The following TAFA2 variants were observed in gnomAD, a reference collection of about 807,000 sequenced individuals.
The protein encoded by TAFA2 is chemokine-like protein TAFA-2.
TAFA2 carries 7 observed loss-of-function variants against 18.8 expected under a neutral mutation model. The ratio of observed to expected loss-of-function variants is 0.37; its 90% CI spans 0.21 to 0.70. The LOEUF is 0.70. TAFA2 is among the 30% of genes least tolerant of loss of function. The probability of loss-of-function intolerance (pLI) is 0.53; values close to 1 mark genes in which losing one functional copy is unlikely to be tolerated. For missense variants in TAFA2, 122 were observed against 158.1 expected (o/e 0.77, Z 1.23); for synonymous variants, 60 against 54.2 (o/e 1.11, Z -0.47).
At chr12:62,216,613 G>C (rs1053338054) in intron 1 of TAFA2, among the ~76,000 whole-genome samples, 2 of 152,296 alleles carry the variant, frequency 1.3e-5, no homozygotes, top group South Asian at 4.1e-4. Context: ...TTCTTTGCTA[G>C]AGCAGATTAC....
At chr12:61,722,085 AAAT>A (rs1214840029) in intron 4 of TAFA2, among the ~76,000 whole-genome samples, 1 of 152,344 alleles carries the variant, frequency 6.6e-6, no homozygotes, top group Non-Finnish European at 1.5e-5. Flanking sequence ...TAACAATAAT[AAAT>A]AATAAATCGT....
intron 2 of TAFA2, among the ~76,000 whole-genome samples, chr12:61,836,756 T>TATAC (rs68158949): frequency 1.1e-3 from 137 of 119,320 alleles, no homozygotes; most frequent in Middle Eastern, 5.4e-3. Flanking sequence ...TATATATATA[T>TATAC]ACACACACAC....
chr12:61,990,001 AC>A (rs1879947385), intron 1 of TAFA2, among the ~76,000 whole-genome samples: 1 of 152,124 alleles, frequency 6.6e-6, no homozygotes, highest in Non-Finnish European at 1.5e-5. Context: ...TTGAATATTG[AC>A]CCAAAGAAAT....
At chr12:62,137,257 T>C (rs909972173) in intron 1 of TAFA2, among the ~76,000 whole-genome samples, 3 of 152,156 alleles carry the variant, frequency 2.0e-5, no homozygotes, top group Non-Finnish European at 4.4e-5. Flanking sequence ...AATGATCATA[T>C]ATAAGCTAAT....
chr12:61,725,545 T>A (rs1487855653), intron 4 of TAFA2, among the ~76,000 whole-genome samples: 3 of 150,400 alleles, frequency 2.0e-5, no homozygotes, highest in Non-Finnish European at 4.4e-5. Flanking sequence ...TAGGGTGTCC[T>A]TTCCCCACTT....
intron 1 of TAFA2, among the ~76,000 whole-genome samples, chr12:62,014,440 G>A (rs987622934): frequency 6.6e-6 from 1 of 152,046 alleles, no homozygotes; most frequent in Non-Finnish European, 1.5e-5. Flanking sequence ...ACCAGCCTGG[G>A]CAACATGGTT....
At chr12:61,803,277 G>C (rs566316481) in intron 2 of TAFA2, among the ~76,000 whole-genome samples, 305 of 151,880 alleles carry the variant, frequency 2.0e-3, no homozygotes, top group Non-Finnish European at 3.4e-3. Context: ...CTCTGACTAG[G>C]GAAAAGCTGC....
chr12:61,798,219 C>T (rs1871267137), intron 2 of TAFA2, among the ~76,000 whole-genome samples: 1 of 152,130 alleles, frequency 6.6e-6, no homozygotes, highest in Non-Finnish European at 1.5e-5. Context: ...TCATGATCAG[C>T]TAATGCATCA....
intron 1 of TAFA2, among the ~76,000 whole-genome samples, chr12:61,956,390 C>T (rs1252044516): frequency 6.6e-6 from 1 of 151,686 alleles, no homozygotes; most frequent in Non-Finnish European, 1.5e-5. Context: ...TTCTCAAAAT[C>T]AAAAAATAGG....
In TAFA2 at chr12:61,797,243, G is replaced by A. The variant is rs144505537; in HGVS notation, c.107-42219C>T. ...AATAGTTTACCACAGTAACAATGCTGAGCATGCCCTACCTCACAGTGCCAA... is the reference window on the plus strand; with the variant it reads ...AATAGTTTACCACAGTAACAATGCTAAGCATGCCCTACCTCACAGTGCCAA... On this transcript the variant is annotated intron_variant, in intron 2 of 4. Coordinates refer to ENST00000416284, the MANE Select transcript of TAFA2 (RefSeq NM_178539.5). Among the ~76,000 whole-genome samples the A allele has an allele frequency of 5.8e-3, 890 of 152,194 alleles. 9 individuals carry two copies. Among genetic ancestry groups the A allele is most frequent in the African/African-American group, 0.02 (830 of 41,534 alleles).
intron 4 of TAFA2, among the ~76,000 whole-genome samples, chr12:61,731,222 C>T (rs1367635919): frequency 1.3e-5 from 2 of 152,142 alleles, no homozygotes; most frequent in Admixed American, 6.6e-5. Flanking sequence ...CCCCAGTGAA[C>T]AAGATGGACT....
At chr12:61,770,131 G>A (rs773511035) in intron 2 of TAFA2, among the ~76,000 whole-genome samples, 66 of 152,056 alleles carry the variant, frequency 4.3e-4, no homozygotes, top group Non-Finnish European at 7.5e-4. Context: ...TGAAGAAGTA[G>A]AAGAAAGAAT....
intron 1 of TAFA2, among the ~76,000 whole-genome samples, chr12:61,956,650 G>T (rs1201441087): frequency 7.3e-6 from 1 of 136,684 alleles, no homozygotes; most frequent in South Asian, 2.3e-4. Context: ...AAAAAAAACA[G>T]GTGTGACAAT....
intron 2 of TAFA2, among the ~76,000 whole-genome samples, chr12:61,767,368 G>A (rs1481684734): frequency 6.6e-6 from 1 of 152,072 alleles, no homozygotes; most frequent in East Asian, 1.9e-4. Context: ...GATGAAGAGA[G>A]GCATTAAGTC....
chr12:61,726,675 G>A (rs529749627), intron 4 of TAFA2, among the ~76,000 whole-genome samples: 2 of 152,164 alleles, frequency 1.3e-5, no homozygotes. Flanking sequence ...CATATCACCA[G>A]TGAACAGTGA....
intron 1 of TAFA2, among the ~76,000 whole-genome samples, chr12:62,234,135 A>G (rs1388978142): frequency 6.6e-6 from 1 of 152,128 alleles, no homozygotes; most frequent in Non-Finnish European, 1.5e-5. Context: ...ATGTCCAAGA[A>G]ATGGGAGGTG....
At chr12:61,757,162 T>C (rs980362725) in intron 2 of TAFA2, among the ~76,000 whole-genome samples, 1 of 152,062 alleles carries the variant, frequency 6.6e-6, no homozygotes, top group Admixed American at 6.6e-5. Context: ...AGACCAGTTA[T>C]GAAGAGGTGT....
chr12:61,712,143 T>A (rs1869440398), intron 4 of TAFA2, among the ~76,000 whole-genome samples: 1 of 152,054 alleles, frequency 6.6e-6, no homozygotes, highest in South Asian at 2.1e-4. Flanking sequence ...CTGCTGTTGC[T>A]CAGTGTAGCC....
intron 1 of TAFA2, among the ~76,000 whole-genome samples, chr12:61,988,326 A>G (rs970383545): frequency 2.0e-5 from 3 of 152,170 alleles, no homozygotes; most frequent in African/African-American, 7.2e-5. Context: ...ATGCCCCAAG[A>G]TTTGGAATCT....
Sources: gnomAD v4.1 joint callset for allele counts (sites outside exome capture counted in the v4.1 genomes callset) on GRCh38, gnomAD v4.1.1 for gene constraint, MANE v1.5 for transcripts, NCBI Gene and HGNC (gene_info 2026-07-23, HGNC 2026-07-21) for gene names.